Variants in MAGI2 observed in about 807,000 individuals in gnomAD.
MAGI2 encodes membrane associated guanylate kinase, WW and PDZ domain containing 2.
Under a neutral mutation model 133.3 loss-of-function variants are expected in MAGI2, and 35 were observed. The ratio of observed to expected loss-of-function variants is 0.26; its 90% CI spans 0.20 to 0.35. The LOEUF (loss-of-function observed/expected upper bound fraction) is 0.35, where lower values mean the gene tolerates loss of function less well. Ranked by LOEUF, MAGI2 falls within the 10% of genes least tolerant of loss-of-function variation. MAGI2 has a pLI of 1.00. For missense variants in MAGI2, 1,636 were observed against 1,863.4 expected (o/e 0.88, Z 2.25); for synonymous variants, 729 against 710.6 (o/e 1.03, Z -0.41).
intron 20 of MAGI2, among the ~76,000 whole-genome samples, chr7:78,111,308 G>A (rs3807734): frequency 0.12 from 18,519 of 151,988 alleles, 1,337 homozygotes; most frequent in Middle Eastern, 0.19. Context: ...CATAGGCACC[G>A]GCCCCCACCA....
chr7:79,049,709 A>T (rs568756851), intron 1 of MAGI2, among the ~76,000 whole-genome samples: 1 of 149,468 alleles, frequency 6.7e-6, no homozygotes, highest in Admixed American at 6.7e-5. Context: ...CTCATATTTT[A>T]CTACCTCTCA....
chr7:79,215,940 G>A (rs575090599), intron 1 of MAGI2, among the ~76,000 whole-genome samples: 17 of 151,768 alleles, frequency 1.1e-4, no homozygotes, highest in Admixed American at 4.6e-4. Flanking sequence ...TGTGTATTCC[G>A]TGGGAATACA....
intron 1 of MAGI2, among the ~76,000 whole-genome samples, chr7:79,276,401 G>A (rs986554263): frequency 2.6e-5 from 4 of 152,102 alleles, no homozygotes; most frequent in Admixed American, 2.6e-4. Flanking sequence ...CTGATCAGCT[G>A]GCAGCCATCA....
At chr7:78,966,764 G>T (rs148640319) in intron 2 of MAGI2, among the ~76,000 whole-genome samples, 1 of 151,530 alleles carries the variant, frequency 6.6e-6, no homozygotes. Flanking sequence ...TTTCCACAGG[G>T]GCTGCACCAT....
intron 9 of MAGI2, among the ~76,000 whole-genome samples, chr7:78,328,529 A>ACACACACACACC (rs1408831333): frequency 9.0e-5 from 9 of 99,874 alleles, no homozygotes; most frequent in African/African-American, 1.9e-4. Flanking sequence ...ACACACACAC[A>ACACACACACACC]CCCCTCTCTC....
chr7:78,779,989 T>C (rs1418055990), intron 2 of MAGI2, among the ~76,000 whole-genome samples: 3 of 152,192 alleles, frequency 2.0e-5, no homozygotes, highest in African/African-American at 7.2e-5. Flanking sequence ...GCTGCCACCC[T>C]CTGGGACAGA....
intron 1 of MAGI2, among the ~76,000 whole-genome samples, chr7:79,111,328 A>G (rs1476606028): frequency 6.6e-6 from 1 of 152,172 alleles, no homozygotes; most frequent in African/African-American, 2.4e-5. Context: ...TGTTCTCTTG[A>G]CAAGCCTGAT....
At chr7:79,057,220 T>C (rs1036780028) in intron 1 of MAGI2, among the ~76,000 whole-genome samples, 1 of 152,196 alleles carries the variant, frequency 6.6e-6, no homozygotes, top group African/African-American at 2.4e-5. Context: ...CCTTTAGAGA[T>C]GACATGGCTC....
intron 2 of MAGI2, among the ~76,000 whole-genome samples, chr7:78,749,771 T>C (rs1418968995): frequency 6.6e-6 from 1 of 152,090 alleles, no homozygotes. Context: ...TGCTGGCAGA[T>C]AGTTTAAAGG....
At chr7:78,243,276 CTCTCT>C (rs1298480624) in intron 10 of MAGI2, among the ~76,000 whole-genome samples, 1 of 22,544 alleles carries the variant, frequency 4.4e-5, no homozygotes, top group South Asian at 1.3e-3. Context: ...CACACTCTCT[CTCTCT>C]CTCTCTTATA....
intron 1 of MAGI2, among the ~76,000 whole-genome samples, chr7:79,261,678 G>A (rs1481573964): frequency 6.6e-6 from 1 of 151,958 alleles, no homozygotes; most frequent in South Asian, 2.1e-4. Context: ...GCCTCACATT[G>A]TCTAGATATT....
At chr7:79,329,580 A>G (rs1239084446) in intron 1 of MAGI2, among the ~76,000 whole-genome samples, 1 of 152,230 alleles carries the variant, frequency 6.6e-6, no homozygotes, top group Non-Finnish European at 1.5e-5. Flanking sequence ...TAATGTTCAC[A>G]TTAGTAGCCA....
At chr7:79,283,812 A>G (rs574067669) in intron 1 of MAGI2, among the ~76,000 whole-genome samples, 2 of 152,232 alleles carry the variant, frequency 1.3e-5, no homozygotes, top group South Asian at 4.1e-4. Context: ...AAAGCATGCT[A>G]CCTGATATAC....
intron 1 of MAGI2, among the ~76,000 whole-genome samples, chr7:79,276,454 T>A (rs1609281): frequency 0.84 from 128,015 of 152,160 alleles, 53,935 homozygotes; most frequent in Middle Eastern, 0.85. Context: ...ATTATAACTT[T>A]CTGAAGGCTC....
intron 6 of MAGI2, among the ~76,000 whole-genome samples, chr7:78,381,584 A>G (rs532981897): frequency 1.6e-4 from 24 of 152,300 alleles, no homozygotes; most frequent in African/African-American, 5.3e-4. Context: ...CTCCTTAATA[A>G]AGAACTTTTT....
chr7:78,706,922 C>G (rs1431533484), intron 2 of MAGI2, among the ~76,000 whole-genome samples: 1 of 152,106 alleles, frequency 6.6e-6, no homozygotes. Flanking sequence ...TGTGAGTCAA[C>G]AGGCCTTGGT....
intron 1 of MAGI2, among the ~76,000 whole-genome samples, chr7:79,444,830 G>A (rs1360154833): frequency 3.9e-5 from 6 of 152,038 alleles, no homozygotes; most frequent in Non-Finnish European, 8.8e-5. Flanking sequence ...AGTTCATATG[G>A]AACCAAAAAA....
chr7:79,359,013 A>G (rs1411662439), intron 1 of MAGI2, among the ~76,000 whole-genome samples: 1 of 152,184 alleles, frequency 6.6e-6, no homozygotes. Context: ...AAGACAATCA[A>G]CTGGTGTCAA....
chr7:78,686,580 A>G (rs1816341075), intron 2 of MAGI2, among the ~76,000 whole-genome samples: 1 of 147,676 alleles, frequency 6.8e-6, no homozygotes, highest in Non-Finnish European at 1.5e-5. Context: ...AAAAAAAGGA[A>G]CAGATGAAGA....
Sources: gnomAD v4.1 joint callset for allele counts (sites outside exome capture counted in the v4.1 genomes callset) on GRCh38, gnomAD v4.1.1 for gene constraint, MANE v1.5 for transcripts, NCBI Gene and HGNC (gene_info 2026-07-23, HGNC 2026-07-21) for gene names.